MCM6: variants seen among roughly 807,000 people sequenced by gnomAD.
MCM6 encodes the protein minichromosome maintenance complex component 6.
MCM6 carries 46 observed loss-of-function variants against 94.3 expected under a neutral mutation model. That is an observed-to-expected ratio of 0.49 (90% CI 0.39 to 0.62). The LOEUF (loss-of-function observed/expected upper bound fraction) is 0.62. MCM6 is among the 20% of genes least tolerant of loss of function. The probability of loss-of-function intolerance (pLI) is 0.00; values close to 1 mark genes in which losing one functional copy is unlikely to be tolerated. For synonymous variants in MCM6, 335 were observed against 351.9 expected (o/e 0.95, Z 0.54); for missense variants, 865 against 1,017.9 (o/e 0.85, Z 2.04).
chr2:135,859,272 T>C (rs754259548), intron 9 of MCM6, 29 bp downstream of exon 9: 3 of 1,593,076 alleles, frequency 1.9e-6, no homozygotes, highest in Middle Eastern at 1.7e-4. Flanking sequence ...TCTGACTTCT[T>C]TATACTGAAG....
rs138470775 is a variant in MCM6 at position 135,853,815 on chromosome 2, G to A, written c.1627-900C>T. ...GTGTGCAGATATATACAGACAGTAA[G>A]CAATAAAGCAAACAGGGTAAAATGT... is the stretch of plus-strand genomic sequence containing the variant. On this transcript the variant is annotated intron_variant, in intron 11 of 16. Transcript: ENST00000264156. 5.0e-3 allele frequency among the ~76,000 whole-genome samples: 756 copies of A among 152,136 alleles called. 6 individuals are homozygous for A. Among genetic ancestry groups the A allele is most frequent in the African/African-American group, 0.017 (693 of 41,488 alleles).
intron 13 of MCM6, among the ~76,000 whole-genome samples, chr2:135,849,372 A>G (rs147506469): frequency 4.6e-5 from 7 of 152,328 alleles, no homozygotes; most frequent in Non-Finnish European, 7.3e-5. Context: ...ATGGATGTGT[A>G]GCACAAGCAA....
At chr2:135,853,488 C>T (rs1679813698) in intron 11 of MCM6, among the ~76,000 whole-genome samples, 2 of 152,100 alleles carry the variant, frequency 1.3e-5, no homozygotes, top group Non-Finnish European at 2.9e-5. Flanking sequence ...TTATAGGGCC[C>T]TCAGTGTATG....
At chr2:135,848,016 C>A (rs1281168235) in intron 14 of MCM6, 37 bp downstream of exon 14, 8 of 1,551,804 alleles carry the variant, frequency 5.2e-6, no homozygotes, top group Non-Finnish European at 7.1e-6. Context: ...TGTTTTGGTC[C>A]CTAACTCCAA....
intron 3 of MCM6, among the ~76,000 whole-genome samples, chr2:135,869,415 A>C (rs201038814): frequency 0.03 from 4,423 of 147,668 alleles, 138 homozygotes; most frequent in East Asian, 0.062. Context: ...AAAAAAAAAA[A>C]CAAAAACAGA....
chr2:135,849,944 T>C (rs1272201686), intron 13 of MCM6, among the ~76,000 whole-genome samples: 1 of 152,130 alleles, frequency 6.6e-6, no homozygotes, highest in African/African-American at 2.4e-5. Context: ...ATTCAGAAAA[T>C]ATATTTGTGT....
In MCM6 at chr2:135,870,295, G is replaced by A. The variant is rs1199935547; in HGVS notation, c.321C>T (p.Ala107=). Residue 107 remains alanine (A), a synonymous_variant, in exon 3 of 17, where the codon GCC becomes GCT. Transcript: ENST00000264156. The part of the protein sequence containing the change: ...FVKDRKEIPL[A]KDFYVAFQDL... ...CTTGGAATGCAACATAAAAATCCTT[G>A]GCAAGAGGGATCTCTTTACGGTCTT... is the stretch of plus-strand genomic sequence containing the variant. 2 of 1,613,718 alleles carry A rather than the reference G, an allele frequency of 1.2e-6. No homozygotes were observed. Among genetic ancestry groups the A allele is most frequent in the African/African-American group, 2.7e-5 (2 of 74,874 alleles).
chr2:135,842,107 G>GATAA (rs111345267), intron 16 of MCM6, among the ~76,000 whole-genome samples: 1,830 of 151,500 alleles, frequency 0.012, 38 homozygotes, highest in Admixed American at 0.048. Context: ...TCTCTCAAAA[G>GATAA]ATAAATAAAT....
intron 8 of MCM6, among the ~76,000 whole-genome samples, chr2:135,861,272 TG>T (rs1679988015): frequency 6.6e-6 from 1 of 152,174 alleles, no homozygotes; most frequent in East Asian, 1.9e-4. Flanking sequence ...CAACTGTATC[TG>T]AATTTTAATA....
Position 135,847,858 on chromosome 2 carries a change from A to C in MCM6, c.2053+195T>G, listed in dbSNP as rs1160197612. Among the ~76,000 whole-genome samples the C allele has an allele frequency of 2.0e-5, 3 of 152,188 alleles. No homozygotes were observed. In the East Asian group the frequency reaches 5.8e-4, roughly 29 times the overall value. ...ATTATAGGCGAGAGCCACCGTGCCC[A>C]GCCAAGTATATATATTTTATATCAA... On this transcript the variant is annotated intron_variant, in intron 14 of 16. Transcript: ENST00000264156.
In MCM6 at chr2:135,859,415, A is replaced by C. The variant is rs1384914526; in HGVS notation, c.1248T>G (p.Ala416=). 1 of 1,613,144 alleles carries C rather than the reference A, an allele frequency of 6.2e-7. No homozygotes were observed. Among genetic ancestry groups the C allele is most frequent in the Admixed American group, 1.7e-5 (1 of 59,846 alleles). Residue 416 remains alanine, a synonymous_variant, in exon 9 of 17, where the codon GCT becomes GCG. Coordinates refer to ENST00000264156, the MANE Select transcript of MCM6 (RefSeq NM_005915.6). ...TGGACGCTTTACCACTGGTGTAGAC[A>C]GCTCTGGGGCTGAACTCCTCCACGT... The part of the protein sequence containing the change: ...LKHVEEFSPR[A]VYTSGKASSA...
Position 135,869,222 on chromosome 2 carries a change from G to A in MCM6, c.366-362C>T, listed in dbSNP as rs576817625. 7.9e-5 allele frequency among the ~76,000 whole-genome samples: 12 copies of A among 152,110 alleles called. No individual in the cohort carries two copies. The South Asian group carries it at 1.0e-3, about 13-fold the overall frequency. On this transcript the variant is annotated intron_variant, in intron 3 of 16. Transcript: ENST00000264156. ...TCAAGACCATCCTGGCCAACATGGC[G>A]AAACCCCACCTCTACTAAAAATACA...
At chr2:135,847,853 T>G (rs1447466189) in intron 14 of MCM6, among the ~76,000 whole-genome samples, 200 bp downstream of exon 14, 1 of 152,250 alleles carries the variant, frequency 6.6e-6, no homozygotes, top group African/African-American at 2.4e-5. Flanking sequence ...AGAGCCACCG[T>G]GCCCAGCCAA....
chr2:135,852,921 T>A lies in MCM6; in HGVS notation c.1627-6A>T, dbSNP rs1478803753. The A allele has an allele frequency of 3.8e-6, 6 of 1,584,110 alleles. No individual in the cohort carries two copies. In the Admixed American group the frequency reaches 5.7e-5, roughly 15 times the overall value. On this transcript the variant is annotated splice_polypyrimidine_tract_variant and splice_region_variant and intron_variant, in intron 11 of 16. Coordinates refer to ENST00000264156, the MANE Select transcript of MCM6 (RefSeq NM_005915.6). ...GCAATGGCATAATCTGTAACCTAAT[T>A]CAAAACAAAAAAATCACTTTGATAG...
chr2:135,867,159 T>C (rs1680107509), intron 4 of MCM6, among the ~76,000 whole-genome samples: 1 of 152,236 alleles, frequency 6.6e-6, no homozygotes. Flanking sequence ...CATGTTTTTT[T>C]ACTATGTATT....
chr2:135,865,376 T>C (rs1401895896), intron 6 of MCM6, among the ~76,000 whole-genome samples: 1 of 152,060 alleles, frequency 6.6e-6, no homozygotes, highest in African/African-American at 2.4e-5. Context: ...GTGAGTTAAA[T>C]AGAAAAAAAG....
chr2:135,862,572 T>C, intron 8 of MCM6, 35 bp downstream of exon 8: 1 of 1,611,772 alleles, frequency 6.2e-7, no homozygotes, highest in Non-Finnish European at 8.5e-7. Flanking sequence ...CTATGTACAC[T>C]TTTTCCTGCA....
intron 2 of MCM6, among the ~76,000 whole-genome samples, chr2:135,871,050 G>A (rs1283369934): frequency 6.6e-6 from 1 of 152,120 alleles, no homozygotes; most frequent in Non-Finnish European, 1.5e-5. Flanking sequence ...ACCACATCTG[G>A]CTGGTTTGAT....
Position 135,840,908 on chromosome 2 carries a change from G to A in MCM6, c.2393C>T (p.Ser798Phe). 1 of 1,614,100 alleles carries A rather than the reference G, an allele frequency of 6.2e-7. No homozygotes were observed. ...IELTQAGLKGSTEGSESYEED... is the reference protein window; with the variant it reads ...IELTQAGLKGFTEGSESYEED... Reference sequence around the variant, plus strand: ...TTCATAGCTCTCACTTCCCTCTGTGGAGCCTTTCAATCCAGCCTGGGTGAG... The same window carrying A: ...TTCATAGCTCTCACTTCCCTCTGTGAAGCCTTTCAATCCAGCCTGGGTGAG... Residue 798 changes from serine to phenylalanine, a missense_variant, in exon 17 of 17, where the codon TCC becomes TTC. Around this residue, in one of 3 missense-constraint regions of MCM6, gnomAD observed 308 missense variants for 324.5 expected, o/e 0.95. Coordinates refer to ENST00000264156, the MANE Select transcript of MCM6 (RefSeq NM_005915.6).
Sources: allele counts gnomAD v4.1 joint callset (sites outside exome capture counted in the v4.1 genomes callset), GRCh38; gene constraint gnomAD v4.1.1; regional missense constraint gnomAD v4.1.1; transcripts MANE v1.5; gene names NCBI Gene and HGNC (gene_info 2026-07-23, HGNC 2026-07-21).